FMNL2: variants seen among roughly 807,000 people sequenced by gnomAD.
The protein encoded by FMNL2 is formin like 2.
Under a neutral mutation model 130.2 loss-of-function variants are expected in FMNL2, and 51 were observed. The observed-to-expected ratio is 0.39, with a 90% CI of 0.31 to 0.49. The LOEUF (loss-of-function observed/expected upper bound fraction) is 0.49. Among genes scored for constraint, FMNL2 ranks in the 20% least tolerant of loss-of-function variants. The pLI is 0.85. For synonymous variants in FMNL2, 465 were observed against 467.1 expected, an observed-to-expected ratio of 1.00 and a Z score of 0.06; for missense variants, 977 against 1,316.2, an observed-to-expected ratio of 0.74 and a Z score of 3.99.
At chr2:152,337,716 A>G (rs923136563) in intron 1 of FMNL2, among the ~76,000 whole-genome samples, 2 of 152,268 alleles carry the variant, frequency 1.3e-5, no homozygotes, top group Middle Eastern at 3.4e-3. Flanking sequence ...TGTTGTGGCT[A>G]CTTTTACACT....
intron 1 of FMNL2, among the ~76,000 whole-genome samples, chr2:152,375,733 C>T (rs892223331): frequency 1.3e-5 from 2 of 151,786 alleles, no homozygotes; most frequent in African/African-American, 4.8e-5. Context: ...ATTTGGAATA[C>T]AAATGGACAG....
intron 1 of FMNL2, among the ~76,000 whole-genome samples, chr2:152,379,903 C>CTATA (rs1684370015): frequency 6.6e-6 from 1 of 152,156 alleles, no homozygotes; most frequent in Admixed American, 6.5e-5. Context: ...GTAGTGAAAG[C>CTATA]TATAGAAAGC....
intron 9 of FMNL2, among the ~76,000 whole-genome samples, chr2:152,587,324 C>T (rs956410634): frequency 3.3e-5 from 5 of 152,122 alleles, no homozygotes; most frequent in Non-Finnish European, 5.9e-5. Flanking sequence ...GATTGGCCGT[C>T]GGGTTACTGT....
rs143778882 is a variant in FMNL2, at chr2:152,638,081, G to GT, written c.2946+408dup. On this transcript the variant is annotated intron_variant, in intron 23 of 25. Transcript: ENST00000288670. Reference sequence around the variant, plus strand: ...CTGAAGTTAAGGAGAGCCTGCTTGTGTAAGTCATAGCACAGGGCTTAGGAC... The same window carrying GT: ...CTGAAGTTAAGGAGAGCCTGCTTGTGTTAAGTCATAGCACAGGGCTTAGGAC... Among the ~76,000 whole-genome samples the GT allele has an allele frequency of 5.1e-3, 780 of 152,348 alleles. 1 individual carries two copies. The highest frequency in any genetic ancestry group is 0.018 in the African/African-American group (752 of 41,576).
intron 1 of FMNL2, among the ~76,000 whole-genome samples, chr2:152,389,011 A>G (rs1266980490): frequency 6.6e-6 from 1 of 152,152 alleles, no homozygotes; most frequent in African/African-American, 2.4e-5. Context: ...AGTCATGAGT[A>G]AAAGTATTAA....
intron 1 of FMNL2, among the ~76,000 whole-genome samples, chr2:152,389,204 G>T (rs1235249456): frequency 6.6e-6 from 1 of 152,104 alleles, no homozygotes; most frequent in Admixed American, 6.5e-5. Context: ...AGCTTCTAAA[G>T]AACAGAAACT....
intron 1 of FMNL2, among the ~76,000 whole-genome samples, chr2:152,378,952 G>A (rs1684312336): frequency 7.7e-6 from 1 of 130,166 alleles, no homozygotes; most frequent in East Asian, 2.4e-4. Context: ...GATATTGAGA[G>A]GGATGGCTAG....
chr2:152,520,149 A>G (rs1220301905), intron 1 of FMNL2, among the ~76,000 whole-genome samples: 1 of 152,240 alleles, frequency 6.6e-6, no homozygotes, highest in African/African-American at 2.4e-5. Context: ...TAGTTCAAGT[A>G]GATATTCCAT....
chr2:152,509,362 A>G (rs893893244), intron 1 of FMNL2, among the ~76,000 whole-genome samples: 2 of 151,982 alleles, frequency 1.3e-5, no homozygotes, highest in Non-Finnish European at 2.9e-5. Context: ...CTAAATTTCC[A>G]TGTACCACAC....
At chr2:152,623,131 G>A (rs545296300) in intron 15 of FMNL2, among the ~76,000 whole-genome samples, 1 of 152,288 alleles carries the variant, frequency 6.6e-6, no homozygotes, top group South Asian at 2.1e-4. Context: ...AGTTAGAAGG[G>A]TGGTTGCAAA....
At position 152,629,895 on chromosome 2, in the gene FMNL2, G is replaced by A. The variant is rs1210914769; in HGVS notation, c.2540G>A (p.Ser847Asn). ...RGAVYGFKLQ[S>N]LDLLLDTKST... ...GCAGTTTATGGATTTAAACTTCAGA[G>A]TTTAGATCTGGTGAGTGGACTAAAA... The change falls in exon 20 of 26, where the codon AGT becomes AAT. Residue 847 changes from serine to asparagine, a missense_variant. Ser to Asn is a conservative substitution (Grantham distance 46, BLOSUM62 1). This residue lies in a region of FMNL2 where 689 missense variants were observed against 995.9 expected (regional missense o/e 0.69). Transcript: ENST00000288670. The A allele has an allele frequency of 6.2e-7, 1 of 1,607,684 alleles. No individual in the cohort carries two copies.
chr2:152,538,572 A>G (rs1694134796), intron 2 of FMNL2, among the ~76,000 whole-genome samples: 1 of 152,082 alleles, frequency 6.6e-6, no homozygotes, highest in Non-Finnish European at 1.5e-5. Flanking sequence ...GAGCCACTGC[A>G]CCCAGCTGTA....
intron 11 of FMNL2, among the ~76,000 whole-genome samples, chr2:152,614,063 G>A (rs1328691272): frequency 6.6e-6 from 1 of 152,230 alleles, no homozygotes; most frequent in Non-Finnish European, 1.5e-5. Flanking sequence ...CCAAGGCTAA[G>A]TATAAACTCT....
intron 1 of FMNL2, among the ~76,000 whole-genome samples, chr2:152,439,079 T>TTGTGTG (rs10539703): frequency 0.019 from 2,759 of 144,556 alleles, 75 homozygotes; most frequent in African/African-American, 0.062. Flanking sequence ...TTCAGTTTAA[T>TTGTGTG]TGTGTGTGTG....
intron 1 of FMNL2, among the ~76,000 whole-genome samples, chr2:152,512,803 G>A (rs1226636432): frequency 6.6e-6 from 1 of 152,180 alleles, no homozygotes; most frequent in Non-Finnish European, 1.5e-5. Flanking sequence ...CAAAATCAAG[G>A]AGGAATGAAG....
intron 9 of FMNL2, among the ~76,000 whole-genome samples, chr2:152,606,394 G>T (rs1698356218): frequency 6.6e-6 from 1 of 152,200 alleles, no homozygotes; most frequent in Non-Finnish European, 1.5e-5. Context: ...GACATTGACA[G>T]AATTAAAGTT....
intron 1 of FMNL2, among the ~76,000 whole-genome samples, chr2:152,519,169 G>A (rs1338162808): frequency 1.3e-5 from 2 of 152,106 alleles, no homozygotes; most frequent in Admixed American, 6.6e-5. Context: ...GGACTCATTT[G>A]TTACTTTTTC....
At chr2:152,396,864 G>T (rs1368979802) in intron 1 of FMNL2, among the ~76,000 whole-genome samples, 1 of 152,102 alleles carries the variant, frequency 6.6e-6, no homozygotes, top group African/African-American at 2.4e-5. Flanking sequence ...AAAAACTTAT[G>T]CCCCTGCTCT....
rs1475187214 is a variant in FMNL2, at chr2:152,467,791, A to G, written c.118-54152A>G. Among the ~76,000 whole-genome samples the G allele has an allele frequency of 2.0e-5, 3 of 152,272 alleles. No homozygotes were observed. In the East Asian group the frequency reaches 5.8e-4, roughly 29 times the overall value. ...TTTCTTCCGAGAGCAGGCCTGGTCA[A>G]CTGTTGATGCAAGCAACAACATTTG... On this transcript the variant is annotated intron_variant, in intron 1 of 25. Transcript: ENST00000288670.
Sources: allele counts gnomAD v4.1 joint callset (sites outside exome capture counted in the v4.1 genomes callset), GRCh38; gene constraint gnomAD v4.1.1; regional missense constraint gnomAD v4.1.1; transcripts MANE v1.5; gene names NCBI Gene and HGNC (gene_info 2026-07-23, HGNC 2026-07-21).